ARMH1: variants seen among roughly 807,000 people sequenced by gnomAD.
The protein encoded by ARMH1 is armadillo like helical domain containing 1.
Under a neutral mutation model 50.2 loss-of-function variants are expected in ARMH1, and 34 were observed. The observed-to-expected ratio is 0.68, with a 90% CI of 0.51 to 0.90. ARMH1 has a LOEUF of 0.90. ARMH1 is among the 40% of genes least tolerant of loss of function. The pLI, the probability that ARMH1 is intolerant of heterozygous loss-of-function variation, is 0.00. For missense variants in ARMH1, 538 were observed against 553.9 expected, an observed-to-expected ratio of 0.97 and a Z score of 0.29; for synonymous variants, 221 against 224.2, an observed-to-expected ratio of 0.99 and a Z score of 0.13.
intron 6 of ARMH1, among the ~76,000 whole-genome samples, chr1:44,718,977 A>T (rs934263107): frequency 6.7e-6 from 1 of 148,362 alleles, no homozygotes; most frequent in African/African-American, 2.5e-5. Flanking sequence ...GTGAGCTAAG[A>T]TCGCACCATA....
intron 1 of ARMH1, among the ~76,000 whole-genome samples, chr1:44,680,739 T>C (rs564349274): frequency 1.4e-3 from 216 of 152,202 alleles, no homozygotes; most frequent in African/African-American, 4.8e-3. Context: ...GCTGATACGA[T>C]GATCGTAAGA....
intron 11 of ARMH1, 23 bp downstream of exon 11, chr1:44,725,240 C>G (rs954539155): frequency 6.4e-7 from 1 of 1,551,722 alleles, no homozygotes; most frequent in Non-Finnish European, 8.7e-7. Flanking sequence ...CGAGGGAAGC[C>G]GGGCGCAGGC....
Position 44,724,509 on chromosome 1 carries a change from G to T in ARMH1, c.921-30G>T. ...GGGTGTGCGCCGGGTGAGCCCCAGG[G>T]CGTCGCCCCAGCCCGAACCCCCGGC... On this transcript the variant is annotated intron_variant, in intron 8 of 11. Coordinates refer to ENST00000535358, the MANE Select transcript of ARMH1 (RefSeq NM_001145636.2). This position sits in a 1 kb window ranked among gnomAD's most constrained non-coding sequence, Gnocchi z 6.4. 5 of 1,506,922 alleles carry T rather than the reference G, an allele frequency of 3.3e-6. No homozygotes were observed. Among genetic ancestry groups the T allele is most frequent in the Non-Finnish European group, 4.4e-6 (5 of 1,131,716 alleles). The allele number at this position is 1,506,922 out of a possible 1,614,324, so 93.3% of individuals were successfully genotyped here.
chr1:44,681,288 C>A lies in ARMH1; in HGVS notation c.-23+6415C>A, dbSNP rs961674126. Among the ~76,000 whole-genome samples, 1 of 152,146 alleles carries A rather than the reference C, an allele frequency of 6.6e-6. No individual in the cohort carries two copies. The highest frequency in any genetic ancestry group is 2.4e-5 in the African/African-American group (1 of 41,438). On this transcript the variant is annotated intron_variant, in intron 1 of 11. Coordinates refer to ENST00000535358, the MANE Select transcript of ARMH1 (RefSeq NM_001145636.2). This position sits in a 1 kb window ranked among gnomAD's most constrained non-coding sequence, Gnocchi z 4.3. ...GGGATTACAAGCGTGAGCCACTGCGCCCGGCCGTGAGGCTCCATTTCTAAA... is the reference window on the plus strand; with the variant it reads ...GGGATTACAAGCGTGAGCCACTGCGACCGGCCGTGAGGCTCCATTTCTAAA...
chr1:44,698,692 A>G (rs1238446683), intron 4 of ARMH1, among the ~76,000 whole-genome samples: 1 of 151,932 alleles, frequency 6.6e-6, no homozygotes, highest in Non-Finnish European at 1.5e-5. Context: ...CGGGGCCTGT[A>G]ATCCCAGCTA....
intron 6 of ARMH1, among the ~76,000 whole-genome samples, chr1:44,720,125 AG>A (rs1280377343): frequency 1.1e-4 from 16 of 146,720 alleles, no homozygotes; most frequent in Non-Finnish European, 2.4e-4. Flanking sequence ...TGAATCCATG[AG>A]GCAGAGGTTG....
In ARMH1 at chr1:44,682,728, C is replaced by T. The variant is rs1288760963; in HGVS notation, c.-22-6948C>T. Among the ~76,000 whole-genome samples, 2 of 152,070 alleles carry T rather than the reference C, an allele frequency of 1.3e-5. No individual in the cohort carries two copies. The highest frequency in any genetic ancestry group is 2.9e-5 in the Non-Finnish European group (2 of 68,008). Reference sequence around the variant, plus strand: ...ATTGCTTGAGCCCAGGAGTTTGACACCAGCCTGGGCAACGAAGCAAGACCC... The same window carrying T: ...ATTGCTTGAGCCCAGGAGTTTGACATCAGCCTGGGCAACGAAGCAAGACCC... On this transcript the variant is annotated intron_variant, in intron 1 of 11. Transcript: ENST00000535358. The surrounding 1 kb of genome is among the most constrained non-coding windows in gnomAD (Gnocchi z 4.5).
Position 44,725,160 on chromosome 1 carries a change from A to T in ARMH1, c.1153A>T (p.Lys385Ter). ...GAGCAACGCTGAGGACTTGTACATG[A>T]AAATAGACAGCATTCAGGCGGACAT... Reference protein sequence around the residue: ...FLSNAEDLYMKIDSIQADILA... With the variant: ...FLSNAEDLYM The change falls in exon 11 of 12, where the codon AAA (lysine) becomes TAA (stop). Residue 385 changes from lysine to a stop codon, truncating the protein, a stop_gained. Coordinates refer to ENST00000535358, the MANE Select transcript of ARMH1 (RefSeq NM_001145636.2). LOFTEE classifies it high-confidence loss of function. The T allele has an allele frequency of 1.3e-6, 2 of 1,551,954 alleles. No individual in the cohort carries two copies. The highest frequency in any genetic ancestry group is 1.7e-6 in the Non-Finnish European group (2 of 1,147,034).
intron 2 of ARMH1, among the ~76,000 whole-genome samples, chr1:44,692,116 A>C (rs1645678094): frequency 6.6e-6 from 1 of 152,138 alleles, no homozygotes; most frequent in Non-Finnish European, 1.5e-5. Flanking sequence ...TGACCCATGC[A>C]CAGTGACTTA....
At chr1:44,710,982 A>G (rs1429166950) in intron 6 of ARMH1, among the ~76,000 whole-genome samples, 8 of 152,030 alleles carry the variant, frequency 5.3e-5, no homozygotes, top group Admixed American at 3.3e-4. Context: ...TCCACTTAGC[A>G]TAATATTTTC....
At chr1:44,699,836 T>C (rs1279478210) in intron 4 of ARMH1, among the ~76,000 whole-genome samples, 1 of 150,994 alleles carries the variant, frequency 6.6e-6, no homozygotes, top group Non-Finnish European at 1.5e-5. Context: ...TTTTCTATTT[T>C]TTTTTTTTTT....
intron 3 of ARMH1, among the ~76,000 whole-genome samples, chr1:44,697,801 G>A (rs1037256500): frequency 6.6e-6 from 1 of 152,172 alleles, no homozygotes. Context: ...GCAGAGGGGT[G>A]ATTCCCCAAG....
rs1306184176 is a variant in ARMH1 at position 44,689,664 on chromosome 1, C to T, written c.-22-12C>T. On this transcript the variant is annotated splice_polypyrimidine_tract_variant and intron_variant, in intron 1 of 11. Coordinates refer to ENST00000535358, the MANE Select transcript of ARMH1 (RefSeq NM_001145636.2). Reference sequence around the variant, plus strand: ...CATTCCGGTAACCTGTCTCTTTTCCCTCCCTCTGTAGCCAACTTCAGGACT... The same window carrying T: ...CATTCCGGTAACCTGTCTCTTTTCCTTCCCTCTGTAGCCAACTTCAGGACT... 1 of 1,540,888 alleles carries T rather than the reference C, an allele frequency of 6.5e-7. No individual in the cohort carries two copies.
At chr1:44,686,757 A>G (rs751083786) in intron 1 of ARMH1, among the ~76,000 whole-genome samples, 2 of 151,986 alleles carry the variant, frequency 1.3e-5, no homozygotes, top group Non-Finnish European at 2.9e-5. Context: ...AAAGAAAAAA[A>G]ATGGGAGTTA....
intron 2 of ARMH1, among the ~76,000 whole-genome samples, chr1:44,694,356 A>G (rs1645754314): frequency 6.6e-6 from 1 of 152,194 alleles, no homozygotes; most frequent in African/African-American, 2.4e-5. Context: ...GCATCACAGC[A>G]TCATTATTTT....
intron 2 of ARMH1, among the ~76,000 whole-genome samples, chr1:44,691,738 C>T (rs570009161): frequency 1.3e-5 from 2 of 152,180 alleles, no homozygotes; most frequent in Non-Finnish European, 2.9e-5. Context: ...ATATATCCAA[C>T]TATTCCATAC....
In ARMH1 at chr1:44,700,953, AG is replaced by A; in HGVS notation, c.474del (p.Lys158AsnfsTer33). On this transcript the variant is annotated frameshift_variant, in exon 5 of 12. Coordinates refer to ENST00000535358, the MANE Select transcript of ARMH1 (RefSeq NM_001145636.2). LOFTEE classifies it high-confidence loss of function. Reference sequence around the variant, plus strand: ...CGATCCATAGCAGAATTTTTGGCAAAGTCTAAGTCAGAAGAGACCCAGGAGG... The same window carrying A: ...CGATCCATAGCAGAATTTTTGGCAAATCTAAGTCAGAAGAGACCCAGGAGG... ...GVRSIAEFLAKSKSEETQEEV... is the reference protein window; with the variant it reads ...GVRSIAEFLAXSKSEETQEEV... 1.9e-6 allele frequency: 3 copies of A among 1,550,680 alleles called. No individual in the cohort carries two copies. The highest frequency in any genetic ancestry group is 2.6e-6 in the Non-Finnish European group (3 of 1,146,646).
At chr1:44,678,078 G>T (rs1317771730) in intron 1 of ARMH1, among the ~76,000 whole-genome samples, 1 of 152,108 alleles carries the variant, frequency 6.6e-6, no homozygotes, top group African/African-American at 2.4e-5. Context: ...TAGCTGATTG[G>T]GAAGAAGGGT....
chr1:44,724,420 T>C lies in ARMH1; in HGVS notation c.920+28T>C. On this transcript the variant is annotated intron_variant, in intron 8 of 11. Coordinates refer to ENST00000535358, the MANE Select transcript of ARMH1 (RefSeq NM_001145636.2). This position sits in a 1 kb window ranked among gnomAD's most constrained non-coding sequence, Gnocchi z 6.4. ...AAGCGGGCAGGGGTTAGTGGGTAGC[T>C]GCAGCAAGCCTGGCTTGGCGCTGCC... 1 of 1,545,508 alleles carries C rather than the reference T, an allele frequency of 6.5e-7. No individual in the cohort carries two copies. Among genetic ancestry groups the C allele is most frequent in the South Asian group, 1.2e-5 (1 of 83,776 alleles).
Sources: allele counts gnomAD v4.1 joint callset (sites outside exome capture counted in the v4.1 genomes callset), GRCh38; gene constraint gnomAD v4.1.1; non-coding constraint Gnocchi (gnomAD v3.1); transcripts MANE v1.5; gene names NCBI Gene and HGNC (gene_info 2026-07-23, HGNC 2026-07-21).